WASF3: variants seen among roughly 807,000 people sequenced by gnomAD.
WASF3 encodes actin-binding protein WASF3.
WASF3 carries 11 observed loss-of-function variants against 46.6 expected under a neutral mutation model. The observed-to-expected ratio is 0.24, with a 90% CI of 0.15 to 0.39. The LOEUF (loss-of-function observed/expected upper bound fraction) is 0.39, where lower values mean the gene tolerates loss of function less well. WASF3 is among the 10% of genes least tolerant of loss of function. The pLI, the probability that WASF3 is intolerant of heterozygous loss-of-function variation, is 1.00. For synonymous variants in WASF3, 242 were observed against 259.7 expected (o/e 0.93, Z 0.65); for missense variants, 576 against 669.8 (o/e 0.86, Z 1.55).
intron 2 of WASF3, among the ~76,000 whole-genome samples, chr13:26,634,088 G>T (rs1198086381): frequency 6.6e-6 from 1 of 152,150 alleles, no homozygotes; most frequent in East Asian, 1.9e-4. Context: ...ACAGTGGGGT[G>T]TTAAAGTCTC....
Position 26,682,244 on chromosome 13 carries a change from C to T in WASF3, c.984-363C>T, listed in dbSNP as rs1883253392. 6.6e-6 allele frequency among the ~76,000 whole-genome samples: 1 copy of T among 152,222 alleles called. No individual in the cohort carries two copies. Among genetic ancestry groups the T allele is most frequent in the Non-Finnish European group, 1.5e-5 (1 of 68,042 alleles). On this transcript the variant is annotated intron_variant, in intron 8 of 9. Transcript: ENST00000335327. This position sits in a 1 kb window ranked among gnomAD's most constrained non-coding sequence, Gnocchi z 4.4. ...GCTCCCAATCTGGTTGACCTTAGGA[C>T]CCTTAAAAGACAAGTTTGTGAGCTA...
intron 1 of WASF3, among the ~76,000 whole-genome samples, chr13:26,608,424 A>G (rs1002434893): frequency 1.3e-5 from 2 of 152,208 alleles, no homozygotes; most frequent in African/African-American, 4.8e-5. Context: ...AGAATGTGAT[A>G]CACATAGGTG....
Position 26,679,100 on chromosome 13 carries a change from T to C in WASF3, c.717-1954T>C, listed in dbSNP as rs1264083940. ...CTCTTCCTCCCGTGTCAGTGTCGCC[T>C]CTGGCCCTCCCAGTCCTCTCTTCTG... On this transcript the variant is annotated intron_variant, in intron 7 of 9. Coordinates refer to ENST00000335327, the MANE Select transcript of WASF3 (RefSeq NM_006646.6). The surrounding 1 kb of genome is among the most constrained non-coding windows in gnomAD (Gnocchi z 4.8). Among the ~76,000 whole-genome samples, 1 of 151,612 alleles carries C rather than the reference T, an allele frequency of 6.6e-6. No homozygotes were observed. The highest frequency in any genetic ancestry group is 1.5e-5 in the Non-Finnish European group (1 of 67,994).
chr13:26,673,705 T>C (rs1477488535), intron 6 of WASF3, among the ~76,000 whole-genome samples: 1 of 152,248 alleles, frequency 6.6e-6, no homozygotes, highest in Non-Finnish European at 1.5e-5. Flanking sequence ...TTTTGAACTT[T>C]TGTCTCCTTT....
chr13:26,592,725 A>G (rs927419856), intron 1 of WASF3, among the ~76,000 whole-genome samples: 1 of 152,228 alleles, frequency 6.6e-6, no homozygotes, highest in African/African-American at 2.4e-5. Flanking sequence ...AATTCAGTGT[A>G]TAATACAATG....
At chr13:26,674,035 T>C (rs530147568) in intron 6 of WASF3, among the ~76,000 whole-genome samples, 82 of 152,278 alleles carry the variant, frequency 5.4e-4, no homozygotes, top group African/African-American at 1.3e-3. Context: ...TAGCAGTGTC[T>C]AAGATCATCC....
At position 26,632,774 on chromosome 13, in the gene WASF3, A is replaced by G. The variant is rs144670661; in HGVS notation, c.-10-9487A>G. ...ACCAGCTCCTCTTTGTACCTCTGGT[A>G]GAATTAGGCTGTGAATCTGTCTGGT... On this transcript the variant is annotated intron_variant, in intron 2 of 9. Coordinates refer to ENST00000335327, the MANE Select transcript of WASF3 (RefSeq NM_006646.6). 5.5e-3 allele frequency among the ~76,000 whole-genome samples: 834 copies of G among 152,284 alleles called. 11 individuals carry two copies. The highest frequency in any genetic ancestry group is 0.019 in the African/African-American group (797 of 41,558).
chr13:26,679,061 C>T lies in WASF3; in HGVS notation c.717-1993C>T, dbSNP rs543202211. Among the ~76,000 whole-genome samples, 68 of 150,824 alleles carry T rather than the reference C, an allele frequency of 4.5e-4. No homozygotes were observed. The highest frequency in any genetic ancestry group is 9.9e-4 in the Admixed American group (15 of 15,194). Reference sequence around the variant, plus strand: ...CCGGCCCTCCTCCTCCCATCGTCCCCGGCCCTCCCAGTCCTCTTCCTCCCG... The same window carrying T: ...CCGGCCCTCCTCCTCCCATCGTCCCTGGCCCTCCCAGTCCTCTTCCTCCCG... On this transcript the variant is annotated intron_variant, in intron 7 of 9. Transcript: ENST00000335327. This position sits in a 1 kb window ranked among gnomAD's most constrained non-coding sequence, Gnocchi z 4.8.
At chr13:26,586,878 T>TAGAG (rs1880142841) in intron 1 of WASF3, among the ~76,000 whole-genome samples, 1 of 152,088 alleles carries the variant, frequency 6.6e-6, no homozygotes, top group Admixed American at 6.5e-5. Flanking sequence ...CATCACTAAA[T>TAGAG]AGAGCTATTT....
intron 1 of WASF3, among the ~76,000 whole-genome samples, chr13:26,605,480 A>C (rs982902966): frequency 6.6e-6 from 1 of 152,196 alleles, no homozygotes; most frequent in South Asian, 2.1e-4. Context: ...GTTGAAGTAG[A>C]TTAGGAAGAT....
chr13:26,655,798 C>G (rs895033136), intron 3 of WASF3, among the ~76,000 whole-genome samples: 4 of 152,092 alleles, frequency 2.6e-5, no homozygotes, highest in Non-Finnish European at 4.4e-5. Flanking sequence ...TTGATCCTTA[C>G]GTTTTTCCAC....
In WASF3 at chr13:26,599,062, G is replaced by C. The variant is rs576397188; in HGVS notation, c.-108-13899G>C. On this transcript the variant is annotated intron_variant, in intron 1 of 9. Coordinates refer to ENST00000335327, the MANE Select transcript of WASF3 (RefSeq NM_006646.6). ...ATTTTTGTATTTTTAGTAGAGACAGGGCTTCGCCATGTTGGTCTCGAACTC... is the reference window on the plus strand; with the variant it reads ...ATTTTTGTATTTTTAGTAGAGACAGCGCTTCGCCATGTTGGTCTCGAACTC... Among the ~76,000 whole-genome samples, 5 of 152,108 alleles carry C rather than the reference G, an allele frequency of 3.3e-5. No homozygotes were observed. In the East Asian group the frequency reaches 9.7e-4, roughly 30 times the overall value.
At chr13:26,669,673 C>A (rs979594724) in intron 5 of WASF3, among the ~76,000 whole-genome samples, 1 of 152,158 alleles carries the variant, frequency 6.6e-6, no homozygotes, top group South Asian at 2.1e-4. Flanking sequence ...GCCACCAAGC[C>A]TGGCTAATTT....
intron 3 of WASF3, among the ~76,000 whole-genome samples, chr13:26,660,968 A>C (rs967417089): frequency 6.6e-6 from 1 of 152,148 alleles, no homozygotes; most frequent in Non-Finnish European, 1.5e-5. Context: ...GAGAGGAAAC[A>C]AGGAGTGGGA....
At chr13:26,684,338 T>C (rs1326392158) in intron 9 of WASF3, among the ~76,000 whole-genome samples, 1 of 151,998 alleles carries the variant, frequency 6.6e-6, no homozygotes, top group Non-Finnish European at 1.5e-5. Flanking sequence ...CTGTATCTAA[T>C]CTCGAGGAAA....
At chr13:26,671,759 G>C in intron 5 of WASF3, 113 bp from the exon 6 acceptor site, 1 of 674,206 alleles carries the variant, frequency 1.5e-6, no homozygotes, top group Non-Finnish European at 2.5e-6. Context: ...GAGAGTTTAA[G>C]TGCCCCATGT....
intron 1 of WASF3, among the ~76,000 whole-genome samples, chr13:26,611,818 T>C (rs1049831356): frequency 1.3e-5 from 2 of 151,224 alleles, no homozygotes; most frequent in African/African-American, 4.9e-5. Context: ...AAATGGAGTA[T>C]CGCTGAATGA....
chr13:26,624,093 C>T (rs1881392729), intron 2 of WASF3, among the ~76,000 whole-genome samples: 2 of 151,736 alleles, frequency 1.3e-5, no homozygotes, highest in South Asian at 4.2e-4. Context: ...AATTATGAGA[C>T]AAAAAAGGCA....
At chr13:26,614,964 G>T (rs1163731536) in intron 2 of WASF3, among the ~76,000 whole-genome samples, 1 of 151,918 alleles carries the variant, frequency 6.6e-6, no homozygotes, top group African/African-American at 2.4e-5. Flanking sequence ...GTTGTTGTAG[G>T]TGGCACACTC....
Sources: gnomAD v4.1 joint callset for allele counts (sites outside exome capture counted in the v4.1 genomes callset) on GRCh38, gnomAD v4.1.1 for gene constraint, Gnocchi (gnomAD v3.1) non-coding constraint, MANE v1.5 for transcripts, NCBI Gene and HGNC (gene_info 2026-07-23, HGNC 2026-07-21) for gene names.